The following TRPA1 variants were observed in gnomAD, a reference collection of about 807,000 sequenced individuals.
TRPA1 encodes transient receptor potential cation channel subfamily A member 1, also known as ankyrin-like with transmembrane domains 1.
In TRPA1, 129 loss-of-function variants were observed where a neutral mutation model predicts 131.3. The observed-to-expected ratio is 0.98, with a 90% CI of 0.85 to 1.14. The LOEUF (loss-of-function observed/expected upper bound fraction) is 1.14, where lower values mean the gene tolerates loss of function less well. Ranked by LOEUF, TRPA1 falls within the 50% of genes most tolerant of loss-of-function variation. TRPA1 has a pLI of 0.00. For missense variants in TRPA1, 1,304 were observed against 1,354.2 expected (o/e 0.96, Z 0.58); for synonymous variants, 441 against 451.7 (o/e 0.98, Z 0.30).
rs2129432206 is a variant in TRPA1 at position 72,022,622 on chromosome 8, GT to G, written c.*283del. 2.0e-6 allele frequency: 1 copy of G among 497,728 alleles called. No individual in the cohort carries two copies. The highest frequency in any genetic ancestry group is 3.7e-5 in the East Asian group (1 of 26,698). The allele number at this position is 497,728 out of a possible 1,614,324, so 30.8% of individuals were successfully genotyped here. Reference sequence around the variant, plus strand: ...TTACTTCTTTTCATTAAAAATGTGTGTTCTAGCAAATTCATTTTCTACCCAT... The same window carrying G: ...TTACTTCTTTTCATTAAAAATGTGTGTCTAGCAAATTCATTTTCTACCCAT... On this transcript the variant is annotated 3_prime_UTR_variant, in exon 27 of 27. Transcript: ENST00000262209.
rs1250713377 is a variant in TRPA1 at position 72,022,788 on chromosome 8, A to C, written c.*118T>G. 1.1e-6 allele frequency: 1 copy of C among 951,648 alleles called. No homozygotes were observed. Among genetic ancestry groups the C allele is most frequent in the Non-Finnish European group, 1.7e-6 (1 of 605,076 alleles). The allele number at this position is 951,648 out of a possible 1,614,324, so 59.0% of individuals were successfully genotyped here. ...TACTTTTATACAGCATGCAGGAACC[A>C]TGATTTCACACGCAGCAAAATGAAT... On this transcript the variant is annotated 3_prime_UTR_variant, in exon 27 of 27. Coordinates refer to ENST00000262209, the MANE Select transcript of TRPA1 (RefSeq NM_007332.3).
Position 72,050,900 on chromosome 8 carries a change from A to T in TRPA1, c.1812-29T>A, listed in dbSNP as rs1025927. ...TAAAAAATAAATAAGTAAGATAAGCACAGGTCTTCATCCTTCTGTTCTGTA... is the reference window on the plus strand; with the variant it reads ...TAAAAAATAAATAAGTAAGATAAGCTCAGGTCTTCATCCTTCTGTTCTGTA... On this transcript the variant is annotated intron_variant, in intron 14 of 26. Transcript: ENST00000262209. 6 of 1,454,300 alleles carry T rather than the reference A, an allele frequency of 4.1e-6. No individual in the cohort carries two copies. The African/African-American group carries it at 8.4e-5, about 20-fold the overall frequency. 90.1% of individuals were successfully genotyped at this position (1,454,300 alleles called of 1,614,324 possible).
intron 15 of TRPA1, among the ~76,000 whole-genome samples, chr8:72,048,303 G>T (rs966235815): frequency 5.3e-5 from 8 of 152,028 alleles, no homozygotes; most frequent in African/African-American, 1.9e-4. Flanking sequence ...ACCCCATATG[G>T]CCCCATCAAT....
chr8:72,077,748 T>A (rs1806217557), upstream of TRPA1, among the ~76,000 whole-genome samples: 1 of 152,164 alleles, frequency 6.6e-6, no homozygotes. Flanking sequence ...AATTGCAAGA[T>A]TAATTGCAAA....
chr8:72,080,972 G>GT, the TRPA1 span, among the ~76,000 whole-genome samples: 2 of 151,410 alleles, frequency 1.3e-5, no homozygotes, highest in Non-Finnish European at 3.0e-5. Context: ...TTTGTTGATT[G>GT]TTTTTCAAGA....
At chr8:72,065,303 A>T (rs1254712900) in intron 4 of TRPA1, 148 bp downstream of exon 4, 2 of 664,798 alleles carry the variant, frequency 3.0e-6, no homozygotes, top group African/African-American at 3.7e-5. Flanking sequence ...ATATACAAAA[A>T]CACATAGAAA....
chr8:72,042,703 A>G (rs569786415), intron 17 of TRPA1, among the ~76,000 whole-genome samples: 5 of 151,928 alleles, frequency 3.3e-5, no homozygotes, highest in Non-Finnish European at 5.9e-5. Flanking sequence ...TGGTATATAC[A>G]TACAATGGAA....
At chr8:72,030,156 C>T (rs1811757223) in intron 23 of TRPA1, among the ~76,000 whole-genome samples, 187 bp from the exon 24 acceptor site, 1 of 152,154 alleles carries the variant, frequency 6.6e-6, no homozygotes, top group Non-Finnish European at 1.5e-5. Context: ...TCGGGCAGAA[C>T]TGGTTTCTGG....
chr8:72,027,650 G>A (rs1460449739), intron 24 of TRPA1, among the ~76,000 whole-genome samples: 1 of 152,090 alleles, frequency 6.6e-6, no homozygotes, highest in Admixed American at 6.5e-5. Context: ...ACTTCCCTTC[G>A]AGATGATTCT....
intron 7 of TRPA1, among the ~76,000 whole-genome samples, chr8:72,059,854 G>C (rs975929981): frequency 6.6e-6 from 1 of 152,072 alleles, no homozygotes; most frequent in Non-Finnish European, 1.5e-5. Flanking sequence ...CTCTTTGGGG[G>C]GCTTCTCTTT....
At chr8:72,049,574 G>T (rs1805440651) in intron 15 of TRPA1, among the ~76,000 whole-genome samples, 1 of 152,074 alleles carries the variant, frequency 6.6e-6, no homozygotes. Flanking sequence ...AACTTTCCCA[G>T]ATTGCTTATT....
At chr8:72,035,161 C>G (rs1280920712) in intron 21 of TRPA1, among the ~76,000 whole-genome samples, 1 of 152,160 alleles carries the variant, frequency 6.6e-6, no homozygotes. Context: ...AACTTGTAGT[C>G]TGCCTTTGAC....
At chr8:72,067,703 G>A (rs1396457899) in intron 3 of TRPA1, among the ~76,000 whole-genome samples, 1 of 152,188 alleles carries the variant, frequency 6.6e-6, no homozygotes, top group Admixed American at 6.5e-5. Flanking sequence ...ATCTCTGCGG[G>A]AGTCCCTGTA....
At chr8:72,033,424 G>T (rs974398239) in intron 23 of TRPA1, among the ~76,000 whole-genome samples, 4 of 152,192 alleles carry the variant, frequency 2.6e-5, no homozygotes, top group African/African-American at 9.7e-5. Flanking sequence ...GCATTTGGTA[G>T]ATCCTTGGTA....
chr8:72,048,043 G>A (rs564202662), intron 15 of TRPA1, among the ~76,000 whole-genome samples: 1 of 151,704 alleles, frequency 6.6e-6, no homozygotes, highest in South Asian at 2.1e-4. Flanking sequence ...GTGTTTAGAG[G>A]GGGGTGGACA....
chr8:72,056,849 A>T (rs1805678343), intron 10 of TRPA1, 68 bp downstream of exon 10: 1 of 1,088,504 alleles, frequency 9.2e-7, no homozygotes, highest in Admixed American at 2.1e-5. Context: ...AAAAATTATA[A>T]TAAACAAAAT....
At chr8:72,088,366 C>CTTTTTTTTTTTTTTTTTTTTTTTTCTTTT in the TRPA1 span, among the ~76,000 whole-genome samples, 1 of 81,214 alleles carries the variant, frequency 1.2e-5, no homozygotes, top group African/African-American at 4.4e-5. Context: ...TCTTTGAAAA[C>CTTTTTTTTTTTTTTTTTTTTTTTTCTTTT]TTTTTTTTTT....
rs1805707094 is a variant in TRPA1 at position 72,057,766 on chromosome 8, T to C, written c.1044A>G (p.Leu348=). 1.5e-5 allele frequency: 25 copies of C among 1,613,992 alleles called. No homozygotes were observed. The highest frequency in any genetic ancestry group is 2.1e-5 in the Non-Finnish European group (25 of 1,179,924). Reference sequence around the variant, plus strand: ...TATTCCAAGATGCAGAAGCAGTTGCTAATATAAGTGGAGAGCGTCCTTCAG... The same window carrying C: ...TATTCCAAGATGCAGAAGCAGTTGCCAATATAAGTGGAGAGCGTCCTTCAG... ...IDSEGRSPLI[L]ATASASWNIV... Residue 348 remains leucine, a synonymous_variant, in exon 9 of 27, where the codon TTA becomes TTG. Coordinates refer to ENST00000262209, the MANE Select transcript of TRPA1 (RefSeq NM_007332.3).
At chr8:72,025,936 T>G (rs780136931) in intron 25 of TRPA1, 24 bp downstream of exon 25, 1 of 1,568,058 alleles carries the variant, frequency 6.4e-7, no homozygotes, top group African/African-American at 1.4e-5. Flanking sequence ...GTTACTGATG[T>G]TGTTATTTGT....
Sources: gnomAD v4.1 joint callset for allele counts (sites outside exome capture counted in the v4.1 genomes callset) on GRCh38, gnomAD v4.1.1 for gene constraint, MANE v1.5 for transcripts, NCBI Gene and HGNC (gene_info 2026-07-23, HGNC 2026-07-21) for gene names.